The following TPRG1 variants were observed in gnomAD, a reference collection of about 807,000 sequenced individuals.
TPRG1 encodes the protein tumor protein p63-regulated gene 1 protein.
TPRG1 carries 29 observed loss-of-function variants against 29.3 expected under a neutral mutation model. That is an observed-to-expected ratio of 0.99 (90% confidence interval 0.74 to 1.35). The LOEUF is 1.35. Among genes scored for constraint, TPRG1 ranks in the 40% most tolerant of loss-of-function variants. The pLI is 0.00. For missense variants in TPRG1, 327 were observed against 335.0 expected (o/e 0.98, Z 0.19); for synonymous variants, 130 against 116.8 (o/e 1.11, Z -0.73).
intron 1 of TPRG1, among the ~76,000 whole-genome samples, chr3:189,180,920 A>AGAG (rs1730130985): frequency 6.6e-6 from 1 of 152,116 alleles, no homozygotes; most frequent in Non-Finnish European, 1.5e-5. Flanking sequence ...ACATCTAGGC[A>AGAG]TTTCCATACA....
upstream of TPRG1, chr3:189,099,988 C>G (rs570552611): frequency 9.9e-5 from 15 of 152,260 alleles, no homozygotes; most frequent in Non-Finnish European, 1.8e-4. Context: ...TATGCCTTGT[C>G]CTGGGCAGGA....
At chr3:189,227,248 A>C (rs901210183) in intron 3 of TPRG1, among the ~76,000 whole-genome samples, 3 of 152,148 alleles carry the variant, frequency 2.0e-5, no homozygotes, top group African/African-American at 7.2e-5. Context: ...GGACTGCCTG[A>C]GCCCAGGAGT....
At chr3:189,238,259 C>T (rs895099803) in intron 3 of TPRG1, among the ~76,000 whole-genome samples, 7 of 152,286 alleles carry the variant, frequency 4.6e-5, no homozygotes, top group South Asian at 2.1e-4. Context: ...TTCCAGTCTC[C>T]GACTTACTTC....
At chr3:189,047,146 C>T (rs913837383) in intron 4 of TPRG1, among the ~76,000 whole-genome samples, 10 of 151,978 alleles carry the variant, frequency 6.6e-5, no homozygotes, top group African/African-American at 1.9e-4. Context: ...ATATATATTA[C>T]CAGGAAATAT....
chr3:189,022,888 G>A (rs1044356148), intron 3 of TPRG1, among the ~76,000 whole-genome samples: 5 of 152,214 alleles, frequency 3.3e-5, no homozygotes, highest in Non-Finnish European at 7.3e-5. Flanking sequence ...AGACTCCGTG[G>A]GGTAGGACCC....
chr3:189,262,371 A>C (rs1204759774), intron 4 of TPRG1, among the ~76,000 whole-genome samples: 1 of 152,088 alleles, frequency 6.6e-6, no homozygotes, highest in Non-Finnish European at 1.5e-5. Flanking sequence ...TGGAGGATGC[A>C]CTTCATGCTC....
At chr3:189,104,620 A>G (rs1297160717) in intron 1 of TPRG1, among the ~76,000 whole-genome samples, 4 of 151,788 alleles carry the variant, frequency 2.6e-5, no homozygotes, top group Non-Finnish European at 5.9e-5. Flanking sequence ...CTTGTTCAGA[A>G]GACGAACAGA....
chr3:189,269,394 G>A (rs1249762123), intron 4 of TPRG1, among the ~76,000 whole-genome samples: 19 of 152,116 alleles, frequency 1.2e-4, no homozygotes, highest in Admixed American at 6.6e-4. Context: ...TGCATTAGGA[G>A]TTGTAATAAT....
intron 1 of TPRG1, among the ~76,000 whole-genome samples, chr3:189,109,369 G>A (rs1170539122): frequency 1.3e-5 from 2 of 152,130 alleles, no homozygotes; most frequent in African/African-American, 4.8e-5. Flanking sequence ...GGAGTTACCT[G>A]GAGTTACCAG....
chr3:189,064,351 C>T (rs933542690), intron 4 of TPRG1, among the ~76,000 whole-genome samples: 10 of 152,076 alleles, frequency 6.6e-5, no homozygotes, highest in African/African-American at 2.2e-4. Context: ...TTTAAGGCCT[C>T]ACCACAGAAT....
intron 1 of TPRG1, among the ~76,000 whole-genome samples, chr3:189,206,654 C>A (rs1021147362): frequency 6.6e-6 from 1 of 151,994 alleles, no homozygotes; most frequent in Non-Finnish European, 1.5e-5. Flanking sequence ...GCACATTCCG[C>A]CATGTCTGGC....
rs577186739 is a variant in TPRG1 at position 189,145,858 on chromosome 3, G to A, written c.-290-1726G>A. Among the ~76,000 whole-genome samples the A allele has an allele frequency of 2.4e-3, 366 of 152,278 alleles. 2 individuals are homozygous for A. The highest frequency in any genetic ancestry group is 8.5e-3 in the African/African-American group (354 of 41,548). On this transcript the variant is annotated intron_variant, in intron 3 of 6. Coordinates refer to the TPRG1 transcript ENST00000412373. ...TAACACATGTCAGACACTTCAGAAA[G>A]TACGTTAATGATGACTTAATTATCT...
chr3:189,219,134 G>A (rs1431897582), intron 3 of TPRG1, among the ~76,000 whole-genome samples: 1 of 152,188 alleles, frequency 6.6e-6, no homozygotes, highest in Non-Finnish European at 1.5e-5. Flanking sequence ...CAATGCATAT[G>A]TTGTTTATTT....
intron 4 of TPRG1, among the ~76,000 whole-genome samples, chr3:189,078,682 G>A (rs532763703): frequency 1.3e-5 from 2 of 152,266 alleles, no homozygotes; most frequent in South Asian, 4.1e-4. Context: ...GATATATTAT[G>A]CTTTATTATG....
intron 3 of TPRG1, among the ~76,000 whole-genome samples, chr3:189,218,744 A>G (rs1180901798): frequency 6.6e-6 from 1 of 152,234 alleles, no homozygotes; most frequent in Admixed American, 6.5e-5. Flanking sequence ...GTGACAGAGC[A>G]AGGAAAATAG....
intron 4 of TPRG1, among the ~76,000 whole-genome samples, chr3:189,025,358 G>A (rs1019523770): frequency 1.3e-5 from 2 of 152,108 alleles, no homozygotes; most frequent in African/African-American, 2.4e-5. Flanking sequence ...GCTCCTGGGT[G>A]GGCCACTGCC....
chr3:189,233,192 GTGTGTT>G (rs773733486), intron 3 of TPRG1, among the ~76,000 whole-genome samples: 4 of 143,466 alleles, frequency 2.8e-5, no homozygotes, highest in Admixed American at 7.1e-5. Flanking sequence ...GTGTGTGTGT[GTGTGTT>G]TGTGTGCAAG....
intron 2 of TPRG1, among the ~76,000 whole-genome samples, chr3:189,130,451 T>C (rs1379683361): frequency 1.3e-5 from 2 of 152,334 alleles, no homozygotes; most frequent in South Asian, 2.1e-4. Context: ...AAAATGGACC[T>C]TACAGGTATA....
chr3:189,124,627 T>TTAACTCATTA, intron 1 of TPRG1, among the ~76,000 whole-genome samples: 1 of 152,052 alleles, frequency 6.6e-6, no homozygotes, highest in South Asian at 2.1e-4. Flanking sequence ...ACTCATTTAA[T>TTAACTCATTA]ACTCTAATAA....
Sources: allele counts gnomAD v4.1 joint callset (sites outside exome capture counted in the v4.1 genomes callset), GRCh38; gene constraint gnomAD v4.1.1; transcripts MANE v1.5; gene names NCBI Gene and HGNC (gene_info 2026-07-23, HGNC 2026-07-21).